The following OS9 variants were observed in gnomAD, a reference collection of about 807,000 sequenced individuals.
OS9 encodes protein OS-9.
A neutral mutation model predicts 84.7 loss-of-function variants in OS9; 58 were observed. The ratio of observed to expected loss-of-function variants is 0.68; its 90% CI spans 0.55 to 0.85. The LOEUF (loss-of-function observed/expected upper bound fraction) is 0.85. Ranked by LOEUF, OS9 falls within the 40% of genes least tolerant of loss-of-function variation. OS9 has a pLI of 0.00. For missense variants in OS9, 760 were observed against 850.9 expected, an observed-to-expected ratio of 0.89 and a Z score of 1.33; for synonymous variants, 278 against 320.8, an observed-to-expected ratio of 0.87 and a Z score of 1.43.
In OS9 at chr12:57,694,913, C is replaced by T. The variant is rs768450909; in HGVS notation, c.326C>T (p.Pro109Leu). Residue 109 changes from proline (P) to leucine (L), a missense_variant, in exon 2 of 15, where the codon CCC becomes CTC. By Grantham distance (98) the Pro-to-Leu change is moderately conservative. Transcript: ENST00000315970. ...TTGTTGAGCCCAATGAGAGATGCTC[C>T]CTGCTTGCTGAAGGTGAAAGGGACT... ...PELLSPMRDA[P>L]CLLKTKDWWT... 2 of 1,613,942 alleles carry T rather than the reference C, an allele frequency of 1.2e-6. No individual in the cohort carries two copies. The highest frequency in any genetic ancestry group is 1.7e-6 in the Non-Finnish European group (2 of 1,179,970).
intron 11 of OS9, among the ~76,000 whole-genome samples, chr12:57,718,792 C>G (rs1008090478): frequency 5.9e-5 from 9 of 152,146 alleles, no homozygotes; most frequent in Admixed American, 1.3e-4. Context: ...GTAATCCCAG[C>G]TCTTTGGAAG....
intron 5 of OS9, among the ~76,000 whole-genome samples, chr12:57,702,694 T>C (rs1954060741): frequency 6.6e-6 from 1 of 152,234 alleles, no homozygotes; most frequent in Non-Finnish European, 1.5e-5. Flanking sequence ...CTAGTAGCAG[T>C]GCACAGGGTT....
chr12:57,694,764 C>T lies in OS9; in HGVS notation c.177C>T (p.Asp59=), dbSNP rs138186337. ...PVMGGQSQSS[D]VVIVSSKYKQ... is the part of the protein sequence containing the mutation. ...TTCTTTCCCAGAGCCAATCTTCGGA[C>T]GTGGTGATTGTCTCCTCTAAGTACA... The change falls in exon 2 of 15, where the codon GAC becomes GAT. Residue 59 remains aspartate (D), a synonymous_variant. Coordinates refer to ENST00000315970, the MANE Select transcript of OS9 (RefSeq NM_006812.4). 823 of 1,613,764 alleles carry T rather than the reference C, an allele frequency of 5.1e-4. 3 individuals carry two copies. The highest frequency in any genetic ancestry group is 1.1e-3 in the Admixed American group (68 of 60,016).
intron 5 of OS9, among the ~76,000 whole-genome samples, chr12:57,700,482 T>G (rs1430791094): frequency 2.6e-5 from 4 of 152,152 alleles, no homozygotes; most frequent in African/African-American, 9.7e-5. Context: ...TGGTTGCTTC[T>G]AGTTTTCAGT....
Position 57,697,934 on chromosome 12 carries a change from C to T in OS9, c.579+1561C>T, listed in dbSNP as rs56140015. On this transcript the variant is annotated intron_variant, in intron 5 of 14. Transcript: ENST00000315970. The stretch of plus-strand genomic sequence containing the variant: ...ACACACACACACACATACACACACA[C>T]ACACACACACACACACACACACACA... 8.6e-4 allele frequency among the ~76,000 whole-genome samples: 88 copies of T among 102,352 alleles called. 1 individual carries two copies. The highest frequency in any genetic ancestry group is 2.5e-3 in the African/African-American group (79 of 31,412). The allele number at this position is 102,352 out of a possible 152,430, so 67.1% of individuals were successfully genotyped here. A position where few individuals can be genotyped will look rare whatever the true frequency, so the allele number is the denominator to read the frequency against.
intron 5 of OS9, among the ~76,000 whole-genome samples, chr12:57,714,435 C>T (rs1954423191): frequency 6.6e-6 from 1 of 152,150 alleles, no homozygotes; most frequent in South Asian, 2.1e-4. Context: ...GAATTCCTGA[C>T]CTCAGGTGAT....
intron 7 of OS9, 86 bp downstream of exon 7, chr12:57,716,279 T>TC (rs1555195440): frequency 3.9e-5 from 20 of 511,652 alleles, no homozygotes; most frequent in African/African-American, 1.6e-4. Context: ...ACTGGTGGGG[T>TC]GGGGGGGGGT....
intron 5 of OS9, among the ~76,000 whole-genome samples, chr12:57,696,898 T>C (rs1953865097): frequency 6.6e-6 from 1 of 152,124 alleles, no homozygotes; most frequent in African/African-American, 2.4e-5. Context: ...TCTCCTATGC[T>C]TTCTTGTGGT....
intron 5 of OS9, among the ~76,000 whole-genome samples, chr12:57,712,012 T>G (rs776100397): frequency 2.6e-5 from 4 of 152,206 alleles, no homozygotes; most frequent in Non-Finnish European, 4.4e-5. Flanking sequence ...TTTTTAAACT[T>G]TTTATTACAG....
chr12:57,696,223 C>T, intron 4 of OS9, 52 bp from the exon 5 acceptor site: 2 of 1,447,982 alleles, frequency 1.4e-6, no homozygotes, highest in East Asian at 2.3e-5. Context: ...TGCCATCCTT[C>T]CTCTTTGCTA....
chr12:57,696,173 T>TG, intron 4 of OS9, 102 bp from the exon 5 acceptor site: 1 of 1,233,128 alleles, frequency 8.1e-7, no homozygotes, highest in Non-Finnish European at 1.2e-6. Context: ...TCCTGGGGCC[T>TG]GGGGGCACAG....
chr12:57,710,385 T>C (rs1954291736), intron 5 of OS9, among the ~76,000 whole-genome samples: 1 of 152,236 alleles, frequency 6.6e-6, no homozygotes, highest in Non-Finnish European at 1.5e-5. Context: ...CATCACTAAT[T>C]TGTTACTGGT....
intron 5 of OS9, among the ~76,000 whole-genome samples, chr12:57,699,760 T>C (rs1396830302): frequency 6.6e-6 from 1 of 152,198 alleles, no homozygotes; most frequent in Non-Finnish European, 1.5e-5. Context: ...TGGGGCAATT[T>C]GAGCAGAGTT....
rs1324367266 is a variant in OS9, at chr12:57,694,813, C to T, written c.226C>T (p.Pro76Ser). 8.7e-6 allele frequency: 14 copies of T among 1,614,054 alleles called. No homozygotes were observed. The highest frequency in any genetic ancestry group is 1.2e-5 in the Non-Finnish European group (14 of 1,179,938). ...KYKQRYECRLPAGAIHFQRER... is the reference protein window; with the variant it reads ...KYKQRYECRLSAGAIHFQRER... ...CAAACAGCGCTATGAGTGTCGCCTGCCAGCTGGAGCTATTCACTTCCAGCG... is the reference window on the plus strand; with the variant it reads ...CAAACAGCGCTATGAGTGTCGCCTGTCAGCTGGAGCTATTCACTTCCAGCG... The change falls in exon 2 of 15, where the codon CCA becomes TCA. Residue 76 changes from proline to serine, a missense_variant. Transcript: ENST00000315970.
intron 12 of OS9, 68 bp downstream of exon 12, chr12:57,719,250 C>G: frequency 1.4e-6 from 2 of 1,382,862 alleles, no homozygotes; most frequent in Non-Finnish European, 2.0e-6. Context: ...GTTCTGTTCC[C>G]AGAGGGGACC....
chr12:57,695,691 A>T, intron 2 of OS9, 89 bp from the exon 3 acceptor site: 2 of 818,826 alleles, frequency 2.4e-6, no homozygotes. Context: ...AGTAGATGAG[A>T]GGTTATGTGT....
intron 5 of OS9, among the ~76,000 whole-genome samples, chr12:57,705,963 T>G (rs1954153983): frequency 6.6e-6 from 1 of 152,250 alleles, no homozygotes; most frequent in Non-Finnish European, 1.5e-5. Flanking sequence ...GTATAGATAA[T>G]TATGTCATCT....
intron 5 of OS9, among the ~76,000 whole-genome samples, chr12:57,708,352 C>G (rs1055891174): frequency 6.6e-6 from 1 of 151,800 alleles, no homozygotes; most frequent in Non-Finnish European, 1.5e-5. Flanking sequence ...CTTACTTGGG[C>G]CAGGTGTGGT....
At chr12:57,706,057 A>G (rs78873760) in intron 5 of OS9, among the ~76,000 whole-genome samples, 4,255 of 152,292 alleles carry the variant, frequency 0.028, 157 homozygotes, top group African/African-American at 0.083. Context: ...AGAAGTGGCA[A>G]TGATGGGCAT....
Sources: gnomAD v4.1 joint callset for allele counts (sites outside exome capture counted in the v4.1 genomes callset) on GRCh38, gnomAD v4.1.1 for gene constraint, MANE v1.5 for transcripts, NCBI Gene and HGNC (gene_info 2026-07-23, HGNC 2026-07-21) for gene names.